Variants in HECTD4 observed in about 807,000 individuals in gnomAD.
The protein encoded by HECTD4 is probable E3 ubiquitin-protein ligase HECTD4.
HECTD4 carries 114 observed loss-of-function variants against 471.5 expected under a neutral mutation model. The observed-to-expected ratio is 0.24, with a 90% confidence interval of 0.21 to 0.28. The LOEUF (loss-of-function observed/expected upper bound fraction) is 0.28. HECTD4 is among the 10% of genes least tolerant of loss of function. HECTD4 has a pLI of 1.00. For missense variants in HECTD4, 3,866 were observed against 5,651.5 expected (o/e 0.68, Z 10.13); for synonymous variants, 2,012 against 2,256.0 (o/e 0.89, Z 3.07).
intron 68 of HECTD4, 76 bp from the exon 69 acceptor site, chr12:112,170,528 G>C (rs182940716): frequency 2.6e-6 from 4 of 1,553,834 alleles, no homozygotes; most frequent in Admixed American, 1.9e-5. Flanking sequence ...ACTCTCTTCC[G>C]GTCCCTGGGT....
intron 7 of HECTD4, among the ~76,000 whole-genome samples, chr12:112,296,548 C>T (rs1415637961): frequency 4.4e-5 from 5 of 112,852 alleles, no homozygotes; most frequent in South Asian, 3.2e-4. Context: ...GTGCATTGGA[C>T]GTAGGTGCAA....
Position 112,313,041 on chromosome 12 carries a change from T to C in HECTD4, c.892A>G (p.Thr298Ala). 1 of 1,535,820 alleles carries C rather than the reference T, an allele frequency of 6.5e-7. No individual in the cohort carries two copies. The highest frequency in any genetic ancestry group is 8.7e-7 in the Non-Finnish European group (1 of 1,146,726). Residue 298 changes from threonine to alanine, a missense_variant, in exon 4 of 76, where the codon ACT becomes GCT. This residue lies in a region of HECTD4 where 440 missense variants were observed against 636.0 expected (regional missense o/e 0.69). Transcript: ENST00000682272. The part of the protein sequence containing the change: ...EDMLPAPDSN[T>A]GSSSENKDAD... ...CCTTTATTTTCAGAACTGGAGCCAG[T>C]GTTGCTATCCGGCGCAGGCAACATG...
chr12:112,276,733 T>G (rs1016953976), intron 9 of HECTD4, among the ~76,000 whole-genome samples: 4 of 152,184 alleles, frequency 2.6e-5, no homozygotes, highest in African/African-American at 9.7e-5. Context: ...CGTGAGCCAC[T>G]GCGCCTGGCC....
intron 49 of HECTD4, among the ~76,000 whole-genome samples, chr12:112,211,289 C>T (rs1302006484): frequency 6.6e-6 from 1 of 152,076 alleles, no homozygotes; most frequent in Non-Finnish European, 1.5e-5. Context: ...AATCATAACG[C>T]ATTGCAGCCT....
chr12:112,361,972 A>G (rs1258903138), intron 1 of HECTD4, among the ~76,000 whole-genome samples: 2 of 152,230 alleles, frequency 1.3e-5, no homozygotes, highest in Non-Finnish European at 2.9e-5. Context: ...GAAGCACCAA[A>G]TAGAACTACT....
chr12:112,216,756 C>T lies in HECTD4; in HGVS notation c.7385+17G>A, dbSNP rs2032929359. 1 of 1,611,384 alleles carries T rather than the reference C, an allele frequency of 6.2e-7. No individual in the cohort carries two copies. Among genetic ancestry groups the T allele is most frequent in the African/African-American group, 1.3e-5 (1 of 74,980 alleles). On this transcript the variant is annotated intron_variant, in intron 47 of 75. Coordinates refer to ENST00000682272, the MANE Select transcript of HECTD4 (RefSeq NM_001388303.1). ...GGCTACTGCTCTCTGTCACACTGAG[C>T]TACTTCTTTTACTTACTTATGGAAA...
At chr12:112,273,006 C>T (rs2034450335) in intron 11 of HECTD4, among the ~76,000 whole-genome samples, 1 of 152,188 alleles carries the variant, frequency 6.6e-6, no homozygotes, top group African/African-American at 2.4e-5. Context: ...TAGCTAAGAA[C>T]ACCATGGACT....
At chr12:112,215,701 A>G (rs1593938918) in intron 48 of HECTD4, among the ~76,000 whole-genome samples, 1 of 152,234 alleles carries the variant, frequency 6.6e-6, no homozygotes, top group East Asian at 1.9e-4. Context: ...GTGTAGTGGT[A>G]TGATCACAAC....
Position 112,193,267 on chromosome 12 carries a change from C to T in HECTD4, c.8956-76G>A. On this transcript the variant is annotated intron_variant, in intron 57 of 75. Transcript: ENST00000682272. This position sits in a 1 kb window ranked among gnomAD's most constrained non-coding sequence, Gnocchi z 5.2. ...CATTTCATCTTCTCATCTCACATGG[C>T]CCAGGAAATCAGCCAAACGACTAAA... 1.9e-6 allele frequency: 3 copies of T among 1,552,924 alleles called. No homozygotes were observed. Among genetic ancestry groups the T allele is most frequent in the Non-Finnish European group, 2.6e-6 (3 of 1,142,000 alleles).
At chr12:112,286,926 G>T (rs2034766756) in intron 7 of HECTD4, among the ~76,000 whole-genome samples, 1 of 152,062 alleles carries the variant, frequency 6.6e-6, no homozygotes, top group Admixed American at 6.6e-5. Context: ...CTAATGCTGG[G>T]CCTTGGTACT....
chr12:112,167,973 C>A, intron 70 of HECTD4, 56 bp from the exon 71 acceptor site: 1 of 1,303,648 alleles, frequency 7.7e-7, no homozygotes, highest in Non-Finnish European at 1.1e-6. Flanking sequence ...GAGGCGACAC[C>A]GTTCCCTCCC....
chr12:112,304,851 A>T (rs770286306), intron 7 of HECTD4, among the ~76,000 whole-genome samples: 1 of 152,238 alleles, frequency 6.6e-6, no homozygotes, highest in Non-Finnish European at 1.5e-5. Flanking sequence ...CCTGATGGAT[A>T]GTCTGCTGCT....
rs1312660206 is a variant in HECTD4, at chr12:112,190,955, T to C, written c.9303A>G (p.Pro3101=). 1 of 1,558,558 alleles carries C rather than the reference T, an allele frequency of 6.4e-7. No homozygotes were observed. Among genetic ancestry groups the C allele is most frequent in the South Asian group, 1.2e-5 (1 of 84,174 alleles). ...DRVHIKLGVS[P]PPGAVLVLHS... is the part of the protein sequence containing the mutation. ...GTAACACCAGGACTGCTCCAGGAGG[T>C]GGAGACACCCCTGCAAGAAGCACCC... is the stretch of plus-strand genomic sequence containing the variant. The change falls in exon 60 of 76, where the codon CCA becomes CCG. Residue 3101 remains proline (P), a synonymous_variant. Coordinates refer to ENST00000682272, the MANE Select transcript of HECTD4 (RefSeq NM_001388303.1).
intron 1 of HECTD4, among the ~76,000 whole-genome samples, chr12:112,355,222 G>A (rs1192556556): frequency 9.6e-5 from 14 of 146,374 alleles, no homozygotes; most frequent in South Asian, 2.1e-4. Flanking sequence ...CTTCAGGCCC[G>A]CCTTGGCCTC....
At chr12:112,321,581 G>A (rs372588388) in intron 1 of HECTD4, among the ~76,000 whole-genome samples, 8 of 152,286 alleles carry the variant, frequency 5.3e-5, no homozygotes, top group Non-Finnish European at 7.4e-5. Context: ...ATTAAGAAAG[G>A]TCATAGTGCA....
chr12:112,320,466 G>A (rs775796086), intron 1 of HECTD4, among the ~76,000 whole-genome samples: 1 of 152,192 alleles, frequency 6.6e-6, no homozygotes, highest in Non-Finnish European at 1.5e-5. Flanking sequence ...TTGGAAGGCA[G>A]AGGCGGGCAG....
In HECTD4 at chr12:112,162,150, C is replaced by A. The variant is rs1203324130; in HGVS notation, c.*237G>T. 1 of 496,356 alleles carries A rather than the reference C, an allele frequency of 2.0e-6. No individual in the cohort carries two copies. The highest frequency in any genetic ancestry group is 3.6e-6 in the Non-Finnish European group (1 of 277,694). The allele number at this position is 496,356 out of a possible 1,614,324, so 30.7% of individuals were successfully genotyped here. A position where few individuals can be genotyped will look rare whatever the true frequency, so the allele number is the denominator to read the frequency against. The stretch of plus-strand genomic sequence containing the variant: ...AAATTAGACACAAACTGTCTGGGAA[C>A]TAAACTATCCTACAAATAGACCACA... On this transcript the variant is annotated 3_prime_UTR_variant, in exon 76 of 76. Transcript: ENST00000682272. The surrounding 1 kb of genome is among the most constrained non-coding windows in gnomAD (Gnocchi z 5.2).
In HECTD4 at chr12:112,259,271, A is replaced by C. The variant is rs547938484; in HGVS notation, c.2874-6T>G. 6.2e-7 allele frequency: 1 copy of C among 1,613,560 alleles called. No individual in the cohort carries two copies. ...CTTGTTCCAAGCCTTTTAACCTACA[A>C]AAAGTTCAAGAAAAACACACAGCCT... On this transcript the variant is annotated splice_polypyrimidine_tract_variant and splice_region_variant and intron_variant, in intron 18 of 75. Transcript: ENST00000682272.
chr12:112,308,819 G>A lies in HECTD4; in HGVS notation c.1098C>T (p.His366=), dbSNP rs138997407. 1 of 1,536,006 alleles carries A rather than the reference G, an allele frequency of 6.5e-7. No individual in the cohort carries two copies. Among genetic ancestry groups the A allele is most frequent in the African/African-American group, 1.4e-5 (1 of 73,140 alleles). ...WVAFGSGSLL[H]RPVSFDNKPH... ...GTTTATTATCGAAAGAGACAGGCCG[G>A]TGGAGAAGACTGCCGCTGCCAAAAG... is the stretch of plus-strand genomic sequence containing the variant. Residue 366 remains histidine (H), a synonymous_variant, in exon 6 of 76, where the codon CAC becomes CAT. Coordinates refer to ENST00000682272, the MANE Select transcript of HECTD4 (RefSeq NM_001388303.1).
Sources: allele counts gnomAD v4.1 joint callset (sites outside exome capture counted in the v4.1 genomes callset), GRCh38; gene constraint gnomAD v4.1.1; regional missense constraint gnomAD v4.1.1; non-coding constraint Gnocchi (gnomAD v3.1); transcripts MANE v1.5; gene names NCBI Gene and HGNC (gene_info 2026-07-23, HGNC 2026-07-21).